PCDHA10: variants seen among roughly 807,000 people sequenced by gnomAD.
PCDHA10 encodes the protein protocadherin alpha-10.
In PCDHA10, 45 loss-of-function variants were observed where a neutral mutation model predicts 61.2. The ratio of observed to expected loss-of-function variants is 0.74; its 90% CI spans 0.58 to 0.94. PCDHA10 has a LOEUF of 0.94. Ranked by LOEUF, PCDHA10 falls within the 40% of genes least tolerant of loss-of-function variation. The pLI is 0.00. For missense variants in PCDHA10, 1,278 were observed against 1,236.2 expected, an observed-to-expected ratio of 1.03 and a Z score of -0.51; for synonymous variants, 602 against 548.8, an observed-to-expected ratio of 1.10 and a Z score of -1.35.
intron 1 of PCDHA10, chr5:140,883,270 T>C: frequency 6.2e-7 from 1 of 1,614,106 alleles, no homozygotes; most frequent in Non-Finnish European, 8.5e-7. Flanking sequence ...CGGGTCATTG[T>C]ACCCTTTTGG....
intron 1 of PCDHA10, chr5:140,967,630 C>T (rs1278035224): frequency 3.7e-6 from 6 of 1,613,982 alleles, no homozygotes; most frequent in Non-Finnish European, 5.1e-6. Context: ...ATGAGGGCTC[C>T]AATGGTGAGC....
chr5:140,945,387 T>C (rs1249675973), intron 1 of PCDHA10, among the ~76,000 whole-genome samples: 1 of 152,102 alleles, frequency 6.6e-6, no homozygotes, highest in Non-Finnish European at 1.5e-5. Flanking sequence ...CAAAGCAATA[T>C]ACAAATTCAA....
intron 1 of PCDHA10, chr5:140,869,246 T>C (rs782232383): frequency 1.2e-6 from 2 of 1,613,640 alleles, no homozygotes. Flanking sequence ...GTGGGCCGCA[T>C]CGCGCAGGAC....
At chr5:140,865,948 A>T (rs1324483727) in intron 1 of PCDHA10, 1 of 152,186 alleles carries the variant, frequency 6.6e-6, no homozygotes, top group African/African-American at 2.4e-5. Flanking sequence ...GATTGTCTTC[A>T]TCATTAATTT....
intron 1 of PCDHA10, among the ~76,000 whole-genome samples, chr5:140,937,848 C>G (rs939450579): frequency 1.4e-5 from 2 of 145,938 alleles, no homozygotes; most frequent in African/African-American, 2.5e-5. Flanking sequence ...GAAGGCGGAA[C>G]TTGGAGTGAG....
chr5:140,973,390 AATC>A (rs1554235235), intron 1 of PCDHA10, among the ~76,000 whole-genome samples: 1 of 152,224 alleles, frequency 6.6e-6, no homozygotes, highest in East Asian at 1.9e-4. Context: ...TAGACAAAGA[AATC>A]ATATCTATGA....
At chr5:140,903,076 C>T (rs1479702171) in intron 1 of PCDHA10, among the ~76,000 whole-genome samples, 1 of 152,122 alleles carries the variant, frequency 6.6e-6, no homozygotes, top group Admixed American at 6.5e-5. Flanking sequence ...GGGTAGATAC[C>T]TGATAGTGGC....
intron 1 of PCDHA10, chr5:140,929,147 A>G (rs1247156816): frequency 6.2e-7 from 1 of 1,614,062 alleles, no homozygotes; most frequent in Non-Finnish European, 8.5e-7. Flanking sequence ...AGACTTTCTC[A>G]GACTTATCTC....
chr5:140,869,430 C>G (rs73793507), intron 1 of PCDHA10: 1 of 1,614,036 alleles, frequency 6.2e-7, no homozygotes, highest in African/African-American at 1.3e-5. Context: ...TGGAGGTGAT[C>G]GTGGACAGGC....
intron 1 of PCDHA10, among the ~76,000 whole-genome samples, chr5:140,937,861 G>A (rs1159207693): frequency 6.6e-6 from 1 of 150,994 alleles, no homozygotes; most frequent in African/African-American, 2.4e-5. Context: ...GGAGTGAGCC[G>A]AGATCGCGCC....
rs199848124 is a variant in PCDHA10 at position 140,875,823 on chromosome 5, C to T, written c.2388+17387C>T. 3,681 of 1,614,172 alleles carry T rather than the reference C, an allele frequency of 2.3e-3. 15 individuals carry two copies. Among genetic ancestry groups the T allele is most frequent in the Middle Eastern group, 9.6e-3 (58 of 6,062 alleles). The stretch of plus-strand genomic sequence containing the variant: ...TCGTGGACAGGCCGCTGCAGGTTTT[C>T]CATGTGGACGTGGAGGTGAAGGACA... On this transcript the variant is annotated intron_variant, in intron 1 of 3. Transcript: ENST00000307360.
In PCDHA10 at chr5:140,929,760, G is replaced by A. The variant is rs139688975; in HGVS notation, c.2389-49189G>A. 1,459 of 180,340 alleles carry A rather than the reference G, an allele frequency of 8.1e-3. 10 individuals carry two copies. Among genetic ancestry groups the A allele is most frequent in the African/African-American group, 0.019 (807 of 42,220 alleles). The allele number at this position is 180,340 out of a possible 1,614,324, so 11.2% of individuals were successfully genotyped here. A position where few individuals can be genotyped will look rare whatever the true frequency, so the allele number is the denominator to read the frequency against. Reference sequence around the variant, plus strand: ...TTGCAATGCATTATTAAAAGATGACGATAACCACAAAAGATGTAAAAATAA... The same window carrying A: ...TTGCAATGCATTATTAAAAGATGACAATAACCACAAAAGATGTAAAAATAA... On this transcript the variant is annotated intron_variant, in intron 1 of 3. Transcript: ENST00000307360.
chr5:140,965,029 A>G (rs1252337885), intron 1 of PCDHA10, among the ~76,000 whole-genome samples: 2 of 152,178 alleles, frequency 1.3e-5, no homozygotes, highest in Non-Finnish European at 2.9e-5. Context: ...GGCTCCTTTA[A>G]CTGTCCGCTC....
intron 1 of PCDHA10, among the ~76,000 whole-genome samples, chr5:140,932,376 A>G (rs2088262778): frequency 6.6e-6 from 1 of 151,964 alleles, no homozygotes; most frequent in African/African-American, 2.4e-5. Context: ...TTTCCACATG[A>G]AAGTTATACA....
chr5:140,939,501 G>A (rs1270789150), intron 1 of PCDHA10, among the ~76,000 whole-genome samples: 1 of 150,708 alleles, frequency 6.6e-6, no homozygotes. Context: ...TAAATTCAAT[G>A]TCTATAACAT....
rs533760082 is a variant in PCDHA10 at position 140,985,940 on chromosome 5, T to C, written c.2536+3377T>C. On this transcript the variant is annotated intron_variant, in intron 3 of 3. Coordinates refer to ENST00000307360, the MANE Select transcript of PCDHA10 (RefSeq NM_018901.4). ...ATTTTTAGTAGAGCCGGGGTTTCAC[T>C]GTGTTAGCCAGGATGGTCTCAATCT... is the stretch of plus-strand genomic sequence containing the variant. Among the ~76,000 whole-genome samples, 4 of 151,946 alleles carry C rather than the reference T, an allele frequency of 2.6e-5. No homozygotes were observed. In the South Asian group the frequency reaches 6.2e-4, roughly 24 times the overall value.
At chr5:140,872,001 AC>A (rs1237580171) in intron 1 of PCDHA10, among the ~76,000 whole-genome samples, 21 of 152,320 alleles carry the variant, frequency 1.4e-4, no homozygotes, top group African/African-American at 5.1e-4. Context: ...GTGGCTATTT[AC>A]AGGTGACCTG....
At chr5:140,988,625 T>A (rs1406223989) in intron 3 of PCDHA10, among the ~76,000 whole-genome samples, 1 of 152,176 alleles carries the variant, frequency 6.6e-6, no homozygotes, top group Non-Finnish European at 1.5e-5. Context: ...AATGGAGATG[T>A]CCTGGTTTTC....
chr5:140,920,429 C>T (rs2079631906), intron 1 of PCDHA10, among the ~76,000 whole-genome samples: 1 of 152,136 alleles, frequency 6.6e-6, no homozygotes. Flanking sequence ...TTCTCCCACA[C>T]ACCTCTTTTA....
Sources: allele counts gnomAD v4.1 joint callset (sites outside exome capture counted in the v4.1 genomes callset), GRCh38; gene constraint gnomAD v4.1.1; transcripts MANE v1.5; gene names NCBI Gene and HGNC (gene_info 2026-07-23, HGNC 2026-07-21).